Variants in VAV2 observed in about 807,000 individuals in gnomAD.
The protein encoded by VAV2 is vav guanine nucleotide exchange factor 2.
Under a neutral mutation model 132.5 loss-of-function variants are expected in VAV2, and 67 were observed. The observed-to-expected ratio is 0.51, with a 90% CI of 0.42 to 0.62. The LOEUF (loss-of-function observed/expected upper bound fraction) is 0.62, where lower values mean the gene tolerates loss of function less well. VAV2 is among the 20% of genes least tolerant of loss of function. The probability of loss-of-function intolerance (pLI) is 0.00; values close to 1 mark genes in which losing one functional copy is unlikely to be tolerated. For synonymous variants in VAV2, 492 were observed against 443.5 expected (o/e 1.11, Z -1.37); for missense variants, 938 against 1,153.6 (o/e 0.81, Z 2.71).
In VAV2 at chr9:133,807,592, G is replaced by A. The variant is rs960832388; in HGVS notation, c.667-266C>T. On this transcript the variant is annotated intron_variant, in intron 7 of 29. Coordinates refer to ENST00000371850, the MANE Select transcript of VAV2 (RefSeq NM_001134398.2). Reference sequence around the variant, plus strand: ...GGCCACTCACACACAGGGTGGACTTGGGCACTATGGCTGCCCTGAGGTGGG... The same window carrying A: ...GGCCACTCACACACAGGGTGGACTTAGGCACTATGGCTGCCCTGAGGTGGG... 5.9e-5 allele frequency among the ~76,000 whole-genome samples: 9 copies of A among 152,320 alleles called. No individual in the cohort carries two copies. In the East Asian group the frequency reaches 1.7e-3, roughly 29 times the overall value.
intron 2 of VAV2, among the ~76,000 whole-genome samples, chr9:133,866,657 T>A (rs2131884891): frequency 6.6e-6 from 1 of 152,106 alleles, no homozygotes; most frequent in African/African-American, 2.4e-5. Flanking sequence ...TACAAAAAAA[T>A]TAGCCGGGCG....
chr9:133,930,117 A>G (rs1840625681), intron 2 of VAV2, among the ~76,000 whole-genome samples: 1 of 152,166 alleles, frequency 6.6e-6, no homozygotes, highest in Non-Finnish European at 1.5e-5. Context: ...TGGTCATTGC[A>G]CTGCATCCTC....
At position 133,857,612 on chromosome 9, in the gene VAV2, C is replaced by T. The variant is rs1352885763; in HGVS notation, c.380+3762G>A. Among the ~76,000 whole-genome samples the T allele has an allele frequency of 2.6e-5, 4 of 152,176 alleles. No individual in the cohort carries two copies. Among genetic ancestry groups the T allele is most frequent in the African/African-American group, 4.8e-5 (2 of 41,436 alleles). ...TGCTAATCACTAACACTACAAAACG[C>T]TCGAAATGAAATAGTGTCTTGTGAA... On this transcript the variant is annotated intron_variant, in intron 3 of 29. Transcript: ENST00000371850. This position sits in a 1 kb window ranked among gnomAD's most constrained non-coding sequence, Gnocchi z 4.0.
Position 133,810,388 on chromosome 9 carries a change from A to G in VAV2, c.553-183T>C, listed in dbSNP as rs540471936. The stretch of plus-strand genomic sequence containing the variant: ...ATGGCTCATGGGCCAGAGCTCCCAT[A>G]GCAGCCCCCTACCCAGGCTCAGGAA... On this transcript the variant is annotated intron_variant, in intron 5 of 29. Coordinates refer to ENST00000371850, the MANE Select transcript of VAV2 (RefSeq NM_001134398.2). Among the ~76,000 whole-genome samples the G allele has an allele frequency of 1.2e-4, 18 of 152,318 alleles. No homozygotes were observed. In the East Asian group the frequency reaches 2.9e-3, roughly 25 times the overall value.
At chr9:133,957,036 C>T (rs1564500245) in intron 1 of VAV2, among the ~76,000 whole-genome samples, 1 of 152,310 alleles carries the variant, frequency 6.6e-6, no homozygotes, top group East Asian at 1.9e-4. Context: ...CCCCACCTGC[C>T]CGGGGTACCC....
intron 1 of VAV2, among the ~76,000 whole-genome samples, chr9:133,950,825 C>G (rs866398676): frequency 1.6e-4 from 24 of 152,264 alleles, no homozygotes; most frequent in Admixed American, 2.6e-4. Flanking sequence ...TTCTCCATTT[C>G]TTCCCCCTTC....
At chr9:133,814,721 C>T (rs1835491380) in intron 4 of VAV2, among the ~76,000 whole-genome samples, 1 of 152,248 alleles carries the variant, frequency 6.6e-6, no homozygotes, top group African/African-American at 2.4e-5. Flanking sequence ...GGCTCTCCCC[C>T]ACCACTCAGG....
At chr9:133,766,609 T>C (rs1490466597) in intron 29 of VAV2, among the ~76,000 whole-genome samples, 1 of 149,978 alleles carries the variant, frequency 6.7e-6, no homozygotes, top group African/African-American at 2.5e-5. Flanking sequence ...AACATCACAC[T>C]GGAGGGGGAG....
intron 2 of VAV2, among the ~76,000 whole-genome samples, chr9:133,892,860 G>A (rs955813773): frequency 6.6e-6 from 1 of 152,214 alleles, no homozygotes; most frequent in Non-Finnish European, 1.5e-5. Context: ...AGCATTCCAG[G>A]TTCTTGTAAG....
In VAV2 at chr9:133,926,928, C is replaced by A. The variant is rs544219994; in HGVS notation, c.321+12175G>T. The stretch of plus-strand genomic sequence containing the variant: ...GGAGGCCCAGCACCAGCCCTGGCCA[C>A]AACTATAGCAACTCCCCAAACCTCA... On this transcript the variant is annotated intron_variant, in intron 2 of 29. Transcript: ENST00000371850. The surrounding 1 kb of genome is among the most constrained non-coding windows in gnomAD (Gnocchi z 4.3). Among the ~76,000 whole-genome samples the A allele has an allele frequency of 1.3e-5, 2 of 152,304 alleles. No homozygotes were observed. The highest frequency in any genetic ancestry group is 2.1e-4 in the South Asian group (1 of 4,824).
intron 3 of VAV2, among the ~76,000 whole-genome samples, chr9:133,855,512 G>C (rs954179545): frequency 6.6e-6 from 1 of 152,218 alleles, no homozygotes; most frequent in African/African-American, 2.4e-5. Flanking sequence ...TAAAAGGAAA[G>C]AACTCAGCAA....
At chr9:133,776,118 G>A (rs1422040524) in intron 23 of VAV2, 38 bp from the exon 24 acceptor site, 2 of 1,608,804 alleles carry the variant, frequency 1.2e-6, no homozygotes, top group South Asian at 2.2e-5. Flanking sequence ...GGCCCCCCAG[G>A]GCCACTCACA....
intron 2 of VAV2, among the ~76,000 whole-genome samples, chr9:133,923,923 T>C (rs1423770608): frequency 1.3e-5 from 2 of 151,160 alleles, no homozygotes; most frequent in African/African-American, 4.9e-5. Flanking sequence ...TTCTCACTCA[T>C]AGGTGGGAAT....
intron 1 of VAV2, among the ~76,000 whole-genome samples, chr9:133,941,063 T>C (rs550464428): frequency 6.6e-6 from 1 of 152,192 alleles, no homozygotes; most frequent in East Asian, 1.9e-4. Flanking sequence ...TCTATCCATC[T>C]ACCGTCCAAT....
chr9:133,892,368 G>A (rs1029920660), intron 2 of VAV2, among the ~76,000 whole-genome samples: 2 of 151,728 alleles, frequency 1.3e-5, no homozygotes, highest in Admixed American at 1.3e-4. Flanking sequence ...ACACAAACAA[G>A]CCTCTGTTTA....
intron 3 of VAV2, among the ~76,000 whole-genome samples, chr9:133,856,405 G>A (rs1379380719): frequency 3.9e-5 from 6 of 152,076 alleles, no homozygotes; most frequent in Admixed American, 2.6e-4. Flanking sequence ...AGCCCCAACC[G>A]GGTCCCCATG....
At position 133,884,362 on chromosome 9, in the gene VAV2, C is replaced by T. The variant is rs767182483; in HGVS notation, c.322-22930G>A. ...CTCCTCCAAAGTACAACTCAAAGGA[C>T]GCTCATCAAAGCAGTGCTTCCTTAG... On this transcript the variant is annotated intron_variant, in intron 2 of 29. Transcript: ENST00000371850. The surrounding 1 kb of genome is among the most constrained non-coding windows in gnomAD (Gnocchi z 5.3). Among the ~76,000 whole-genome samples the T allele has an allele frequency of 2.6e-5, 4 of 152,234 alleles. No individual in the cohort carries two copies. Among genetic ancestry groups the T allele is most frequent in the Non-Finnish European group, 5.9e-5 (4 of 68,044 alleles).
rs1038313408 is a variant in VAV2, at chr9:133,879,592, C to T, written c.322-18160G>A. Among the ~76,000 whole-genome samples the T allele has an allele frequency of 1.3e-5, 2 of 152,192 alleles. No homozygotes were observed. The highest frequency in any genetic ancestry group is 2.9e-5 in the Non-Finnish European group (2 of 68,048). On this transcript the variant is annotated intron_variant, in intron 2 of 29. Transcript: ENST00000371850. This position sits in a 1 kb window ranked among gnomAD's most constrained non-coding sequence, Gnocchi z 4.4. Reference sequence around the variant, plus strand: ...CTGACATTACAGACCCACAGGGCAACCAAGTGCACATCTGAGTCCTCTGCC... The same window carrying T: ...CTGACATTACAGACCCACAGGGCAATCAAGTGCACATCTGAGTCCTCTGCC...
chr9:133,763,995 G>A lies in VAV2; in HGVS notation c.*67C>T, dbSNP rs1833349931. On this transcript the variant is annotated 3_prime_UTR_variant, in exon 30 of 30. Transcript: ENST00000371850. This position sits in a 1 kb window ranked among gnomAD's most constrained non-coding sequence, Gnocchi z 6.8. ...TCCCCTCTGAGTCACAGAGGAGCTA[G>A]AGACAGACTTCAGGGCTGGAGTGAC... 6.3e-7 allele frequency: 1 copy of A among 1,587,352 alleles called. No individual in the cohort carries two copies. The highest frequency in any genetic ancestry group is 8.7e-7 in the Non-Finnish European group (1 of 1,155,888).
Sources: gnomAD v4.1 joint callset for allele counts (sites outside exome capture counted in the v4.1 genomes callset) on GRCh38, gnomAD v4.1.1 for gene constraint, Gnocchi (gnomAD v3.1) non-coding constraint, MANE v1.5 for transcripts, NCBI Gene and HGNC (gene_info 2026-07-23, HGNC 2026-07-21) for gene names.